The following ILKAP variants were observed in gnomAD, a reference collection of about 807,000 sequenced individuals.
ILKAP encodes the protein ILK associated serine/threonine phosphatase, also known as integrin-linked kinase-associated serine/threonine phosphatase 2C.
ILKAP carries 11 observed loss-of-function variants against 49.1 expected under a neutral mutation model. That is an observed-to-expected ratio of 0.22 (90% CI 0.14 to 0.37). The LOEUF (loss-of-function observed/expected upper bound fraction) is 0.37, where lower values mean the gene tolerates loss of function less well. Among genes scored for constraint, ILKAP ranks in the 10% least tolerant of loss-of-function variants. The probability of loss-of-function intolerance (pLI) is 1.00; values close to 1 mark genes in which losing one functional copy is unlikely to be tolerated. For missense variants in ILKAP, 363 were observed against 510.8 expected (o/e 0.71, Z 2.79); for synonymous variants, 186 against 192.8 (o/e 0.96, Z 0.29).
intron 1 of ILKAP, among the ~76,000 whole-genome samples, chr2:238,201,812 G>A (rs1237051866): frequency 1.3e-5 from 2 of 151,514 alleles, no homozygotes; most frequent in Non-Finnish European, 3.0e-5. Context: ...AGAGAAAAAA[G>A]ACTGCTACAC....
intron 1 of ILKAP, among the ~76,000 whole-genome samples, chr2:238,200,352 T>G (rs1166564801): frequency 6.6e-6 from 1 of 152,152 alleles, no homozygotes; most frequent in Non-Finnish European, 1.5e-5. Flanking sequence ...ATTATAAACA[T>G]TTAAGAGGTT....
At chr2:238,189,651 A>T in intron 4 of ILKAP, 1 of 422,084 alleles carries the variant, frequency 2.4e-6, no homozygotes, top group Non-Finnish European at 4.2e-6. Context: ...ATCTGATCAA[A>T]GGTAGGATCA....
At chr2:238,195,774 G>A (rs1694316630) in intron 1 of ILKAP, among the ~76,000 whole-genome samples, 2 of 152,120 alleles carry the variant, frequency 1.3e-5, no homozygotes, top group Non-Finnish European at 2.9e-5. Context: ...CAGGCGCAGT[G>A]GCTCATGCCT....
intron 5 of ILKAP, among the ~76,000 whole-genome samples, chr2:238,187,761 G>T (rs1432358107): frequency 6.6e-6 from 1 of 152,178 alleles, no homozygotes; most frequent in African/African-American, 2.4e-5. Flanking sequence ...AACACACGCT[G>T]CAGAGCCATG....
At position 238,189,871 on chromosome 2, in the gene ILKAP, C is replaced by G. The variant is rs1165747673; in HGVS notation, c.280G>C (p.Glu94Gln). The G allele has an allele frequency of 6.2e-7, 1 of 1,613,998 alleles. No homozygotes were observed. Among genetic ancestry groups the G allele is most frequent in the South Asian group, 1.1e-5 (1 of 91,074 alleles). The stretch of plus-strand genomic sequence containing the variant: ...TGAAAACCTTTACAAACTTTCTTTT[C>G]CACAAGCTCTTCACTGCCATTCTTC... ...EEKNGSEELV[E>Q]KKVCKASSVI... The change falls in exon 4 of 12, where the codon GAA (glutamate) becomes CAA (glutamine). Residue 94 changes from glutamate to glutamine, a missense_variant. Coordinates refer to ENST00000254654, the MANE Select transcript of ILKAP (RefSeq NM_030768.3).
intron 9 of ILKAP, 87 bp downstream of exon 9, chr2:238,181,978 G>A: frequency 7.1e-7 from 1 of 1,413,522 alleles, no homozygotes; most frequent in Non-Finnish European, 9.8e-7. Context: ...CTACGTAACA[G>A]GGGAAGTTCT....
At chr2:238,171,555 G>T (rs571808137) in intron 10 of ILKAP, among the ~76,000 whole-genome samples, 6 of 152,328 alleles carry the variant, frequency 3.9e-5, no homozygotes, top group African/African-American at 1.4e-4. Context: ...TCAAAACTGA[G>T]ACTATCCTTC....
At position 238,201,746 on chromosome 2, in the gene ILKAP, G is replaced by C. The variant is rs114106804; in HGVS notation, c.55+1753C>G. ...AGACTCATAGGTTTACACGCACACT[G>C]GTGAATCCAAATGCTGTCCCAAATA... On this transcript the variant is annotated intron_variant, in intron 1 of 11. Transcript: ENST00000254654. 1.5e-3 allele frequency among the ~76,000 whole-genome samples: 236 copies of C among 152,322 alleles called. 1 individual carries two copies. Among genetic ancestry groups the C allele is most frequent in the African/African-American group, 5.3e-3 (220 of 41,572 alleles).
At chr2:238,195,871 T>G (rs1406138130) in intron 1 of ILKAP, among the ~76,000 whole-genome samples, 1 of 151,500 alleles carries the variant, frequency 6.6e-6, no homozygotes, top group East Asian at 2.0e-4. Flanking sequence ...GGCAAAAAAA[T>G]GTCTATGAAA....
intron 3 of ILKAP, 86 bp from the exon 4 acceptor site, chr2:238,190,058 CA>C: frequency 1.4e-6 from 2 of 1,392,466 alleles, no homozygotes; most frequent in Admixed American, 2.2e-5. Context: ...TCCTAGCACT[CA>C]AAGACAAGGT....
At chr2:238,194,586 G>A (rs1267055493) in intron 2 of ILKAP, 4 of 608,248 alleles carry the variant, frequency 6.6e-6, no homozygotes, top group Non-Finnish European at 1.2e-5. Flanking sequence ...AAATGAACCA[G>A]AGAAAACTGC....
At chr2:238,179,297 G>T (rs1693593814) in intron 9 of ILKAP, among the ~76,000 whole-genome samples, 1 of 152,162 alleles carries the variant, frequency 6.6e-6, no homozygotes, top group Admixed American at 6.5e-5. Flanking sequence ...GCAGAGGAGT[G>T]AAAGGAAAAC....
intron 1 of ILKAP, among the ~76,000 whole-genome samples, chr2:238,200,720 G>A (rs144081727): frequency 6.6e-6 from 1 of 152,348 alleles, no homozygotes; most frequent in Non-Finnish European, 1.5e-5. Flanking sequence ...TACCAAGGAG[G>A]CTGAGGTGGA....
chr2:238,181,772 G>A (rs1176284320), intron 9 of ILKAP, among the ~76,000 whole-genome samples: 4 of 152,146 alleles, frequency 2.6e-5, no homozygotes, highest in East Asian at 3.9e-4. Context: ...ACAGGCGCCC[G>A]CCACCACGAA....
chr2:238,193,637 T>C (rs567768477), intron 3 of ILKAP, among the ~76,000 whole-genome samples: 9 of 152,322 alleles, frequency 5.9e-5, no homozygotes, highest in East Asian at 1.9e-4. Context: ...GCCCTGAAGA[T>C]TGAGAATTCT....
chr2:238,191,674 G>A (rs1694128060), intron 3 of ILKAP, among the ~76,000 whole-genome samples: 1 of 152,204 alleles, frequency 6.6e-6, no homozygotes. Flanking sequence ...TTGGGAGGCT[G>A]AGATGGGCAG....
chr2:238,185,155 T>C (rs1693852862), intron 6 of ILKAP, 26 bp downstream of exon 6: 3 of 1,405,982 alleles, frequency 2.1e-6, no homozygotes, highest in Non-Finnish European at 3.0e-6. Flanking sequence ...AATTTGAGTA[T>C]CAACTGATTT....
chr2:238,189,652 G>A (rs1694042142), intron 4 of ILKAP: 1 of 432,538 alleles, frequency 2.3e-6, no homozygotes, highest in Non-Finnish European at 4.1e-6. Context: ...TCTGATCAAA[G>A]GTAGGATCAG....
intron 9 of ILKAP, among the ~76,000 whole-genome samples, chr2:238,179,051 C>T (rs1374247831): frequency 3.9e-5 from 6 of 152,210 alleles, no homozygotes; most frequent in Admixed American, 3.9e-4. Context: ...GATTCACCCA[C>T]TTCAGCCTCC....
Sources: gnomAD v4.1 joint callset for allele counts (sites outside exome capture counted in the v4.1 genomes callset) on GRCh38, gnomAD v4.1.1 for gene constraint, MANE v1.5 for transcripts, NCBI Gene and HGNC (gene_info 2026-07-23, HGNC 2026-07-21) for gene names.